The following YIF1B variants were observed in gnomAD, a reference collection of about 807,000 sequenced individuals.
The protein encoded by YIF1B is Yip1 interacting factor homolog B, membrane trafficking protein.
In YIF1B, 24 loss-of-function variants were observed where a neutral mutation model predicts 34.6. The observed-to-expected ratio is 0.69, with a 90% CI of 0.50 to 0.98. YIF1B has a LOEUF of 0.98. Among genes scored for constraint, YIF1B ranks in the 50% least tolerant of loss-of-function variants. YIF1B has a pLI of 0.00. For synonymous variants in YIF1B, 186 were observed against 184.8 expected (o/e 1.01, Z -0.05); for missense variants, 368 against 429.4 (o/e 0.86, Z 1.26).
intron 5 of YIF1B, 54 bp from the exon 6 acceptor site, chr19:38,307,806 A>C: frequency 6.3e-7 from 1 of 1,598,608 alleles, no homozygotes; most frequent in Non-Finnish European, 8.5e-7. Context: ...CCCCACCCCC[A>C]GCACCCATCT....
intron 7 of YIF1B, chr19:38,307,050 G>C (rs1204252412): frequency 2.0e-6 from 1 of 489,682 alleles, no homozygotes; most frequent in Non-Finnish European, 4.2e-6. Context: ...GGTCCACCCA[G>C]CCTGCAGACC....
upstream of YIF1B, among the ~76,000 whole-genome samples, chr19:38,321,618 G>C (rs1408489226): frequency 6.6e-6 from 1 of 152,230 alleles, no homozygotes. Context: ...TCTTTGTTGG[G>C]GATTTGTTGA....
chr19:38,309,334 G>A lies in YIF1B; in HGVS notation c.298-6C>T. The A allele has an allele frequency of 3.7e-6, 6 of 1,614,006 alleles. No homozygotes were observed. Among genetic ancestry groups the A allele is most frequent in the Non-Finnish European group, 5.1e-6 (6 of 1,179,930 alleles). Reference sequence around the variant, plus strand: ...ATGGGGATGAAGCGGTCGATCTGGGGAGGCAGAGCTCAAGTCTGAAGCCCT... The same window carrying A: ...ATGGGGATGAAGCGGTCGATCTGGGAAGGCAGAGCTCAAGTCTGAAGCCCT... On this transcript the variant is annotated splice_region_variant and splice_polypyrimidine_tract_variant and intron_variant, in intron 2 of 7. Transcript: ENST00000339413.
chr19:38,306,638 G>A (rs1023823421), intron 7 of YIF1B: 1 of 247,202 alleles, frequency 4.0e-6, no homozygotes, highest in African/African-American at 2.4e-5. Context: ...TGAGGTGCAA[G>A]TATCATCATC....
chr19:38,304,917 G>GAGAAGGGCAAGA lies in YIF1B; in HGVS notation c.*423_*434dup. On this transcript the variant is annotated 3_prime_UTR_variant, in exon 8 of 8. Transcript: ENST00000339413. ...CAAGAAGCCCAAAGTGAAGAAGAAG[G>GAGAAGGGCAAGA]AGAAGGGCAAGAAGGAGAAGGGCAA... 6.3e-7 allele frequency: 1 copy of GAGAAGGGCAAGA among 1,595,490 alleles called. No homozygotes were observed. The highest frequency in any genetic ancestry group is 1.4e-5 in the African/African-American group (1 of 70,660).
Position 38,304,166 on chromosome 19 carries a change from T to C in YIF1B, c.*1186A>G. On this transcript the variant is annotated 3_prime_UTR_variant, in exon 8 of 8. Transcript: ENST00000339413. ...GAGGTTGGGTGGGGCGTCTCAGCAT[T>C]CCTCCAACGGGCAGGTCTCAGCGCT... is the stretch of plus-strand genomic sequence containing the variant. 1 of 1,480,572 alleles carries C rather than the reference T, an allele frequency of 6.8e-7. No individual in the cohort carries two copies. The highest frequency in any genetic ancestry group is 9.3e-7 in the Non-Finnish European group (1 of 1,074,188). The allele number at this position is 1,480,572 out of a possible 1,614,324, so 91.7% of individuals were successfully genotyped here.
intron 7 of YIF1B, among the ~76,000 whole-genome samples, chr19:38,306,423 C>G (rs1969041401): frequency 1.3e-5 from 2 of 151,952 alleles, no homozygotes; most frequent in African/African-American, 4.8e-5. Context: ...GTTGTCCAGG[C>G]TGGTATCAAG....
upstream of YIF1B, chr19:38,319,955 G>C (rs1342488624): frequency 4.1e-6 from 6 of 1,448,730 alleles, no homozygotes; most frequent in Non-Finnish European, 5.4e-6. Flanking sequence ...GGTGCCATGC[G>C]GAGGGGCGCG....
At chr19:38,315,729 T>A (rs1969521418) in intron 1 of YIF1B, 131 bp downstream of exon 1, 2 of 1,610,004 alleles carry the variant, frequency 1.2e-6, no homozygotes, top group Non-Finnish European at 1.7e-6. Flanking sequence ...GAACCTGGCA[T>A]CCCAGCGCTG....
At chr19:38,320,300 CGAGGACCCGG>C (rs1969636235), upstream of YIF1B, 1 of 1,601,758 alleles carries the variant, frequency 6.2e-7, no homozygotes, top group Admixed American at 1.7e-5. Context: ...CGCAAGGCGG[CGAGGACCCGG>C]GATCCCCACT....
In YIF1B at chr19:38,309,319, A is replaced by G; in HGVS notation, c.307T>C (p.Phe103Leu). 1 of 1,614,072 alleles carries G rather than the reference A, an allele frequency of 6.2e-7. No homozygotes were observed. The highest frequency in any genetic ancestry group is 8.5e-7 in the Non-Finnish European group (1 of 1,179,976). Residue 103 changes from phenylalanine to leucine, a missense_variant, in exon 3 of 8, where the codon TTC becomes CTC. Physicochemically the swap from Phe to Leu is conservative, Grantham distance 22. Coordinates refer to ENST00000339413, the MANE Select transcript of YIF1B (RefSeq NM_001039672.3). ...TACTTGAGCTTGGTGATGGGGATGAAGCGGTCGATCTGGGGAGGCAGAGCT... is the reference window on the plus strand; with the variant it reads ...TACTTGAGCTTGGTGATGGGGATGAGGCGGTCGATCTGGGGAGGCAGAGCT... Reference protein sequence around the residue: ...KELVDKNIDRFIPITKLKYYF... With the variant: ...KELVDKNIDRLIPITKLKYYF...
intron 7 of YIF1B, 21 bp from the exon 8 acceptor site, chr19:38,305,528 G>A (rs1458137184): frequency 1.3e-6 from 2 of 1,588,116 alleles, no homozygotes; most frequent in Non-Finnish European, 1.7e-6. Flanking sequence ...AAGAGAGAGA[G>A]GAACCAAGGG....
rs149742684 is a variant in YIF1B at position 38,313,014 on chromosome 19, C to G, written c.58+2846G>C. Among the ~76,000 whole-genome samples the G allele has an allele frequency of 2.6e-3, 391 of 150,360 alleles. 2 individuals carry two copies. The highest frequency in any genetic ancestry group is 9.3e-3 in the African/African-American group (379 of 40,848). ...TCACCCAGGCTGGAGTGCAATGGTG[C>G]GATCTCGGCTCACCACAACCTCCAC... is the stretch of plus-strand genomic sequence containing the variant. On this transcript the variant is annotated intron_variant, in intron 1 of 7. Transcript: ENST00000339413.
intron 1 of YIF1B, among the ~76,000 whole-genome samples, chr19:38,311,489 G>A (rs1031266183): frequency 1.3e-5 from 2 of 152,098 alleles, no homozygotes; most frequent in Non-Finnish European, 2.9e-5. Context: ...CAACCACCCT[G>A]TTTCTGCCAG....
chr19:38,320,200 G>T, upstream of YIF1B: 1 of 1,602,094 alleles, frequency 6.2e-7, no homozygotes. Flanking sequence ...TTCGGGGTCC[G>T]CCAACGCCTC....
chr19:38,304,541 C>T lies in YIF1B; in HGVS notation c.*811G>A. ...GAGGGGCGGGAAGGCTGGGGTTGCC[C>T]CTGACCCCAGGGTCCTGCCTTAGGC... On this transcript the variant is annotated 3_prime_UTR_variant, in exon 8 of 8. Coordinates refer to ENST00000339413, the MANE Select transcript of YIF1B (RefSeq NM_001039672.3). 6.3e-7 allele frequency: 1 copy of T among 1,585,310 alleles called. No homozygotes were observed. The highest frequency in any genetic ancestry group is 8.6e-7 in the Non-Finnish European group (1 of 1,166,296).
At position 38,304,783 on chromosome 19, in the gene YIF1B, C is replaced by T; in HGVS notation, c.*569G>A. The T allele has an allele frequency of 6.2e-7, 1 of 1,612,684 alleles. No homozygotes were observed. Among genetic ancestry groups the T allele is most frequent in the South Asian group, 1.1e-5 (1 of 91,044 alleles). On this transcript the variant is annotated 3_prime_UTR_variant, in exon 8 of 8. Transcript: ENST00000339413. ...GCGGGGAGGGTGCGGGGAGTGGTCC[C>T]CCTGTCTCGCTTCCAGCCCAGAACC...
chr19:38,309,551 C>A lies in YIF1B; in HGVS notation c.151G>T (p.Gly51Trp). ...DTSSAQSRGY[G>W]AQRAPGGLSY... ...AGGCCACCAGGTGCCCGCTGGGCCC[C>A]ATAGCCCCGGCTCTGGGCTGAACTT... The change falls in exon 2 of 8, where the codon GGG becomes TGG. Residue 51 changes from glycine to tryptophan, a missense_variant. Gly to Trp is a radical substitution (Grantham distance 184, BLOSUM62 -2). Transcript: ENST00000339413. 6.2e-7 allele frequency: 1 copy of A among 1,602,272 alleles called. No individual in the cohort carries two copies. Among genetic ancestry groups the A allele is most frequent in the Non-Finnish European group, 8.5e-7 (1 of 1,174,886 alleles).
intron 7 of YIF1B, chr19:38,306,838 C>T: frequency 2.6e-6 from 1 of 390,348 alleles, no homozygotes; most frequent in Non-Finnish European, 5.2e-6. Context: ...CACACCACCA[C>T]ACCCAGCTAA....
Sources: gnomAD v4.1 joint callset for allele counts (sites outside exome capture counted in the v4.1 genomes callset) on GRCh38, gnomAD v4.1.1 for gene constraint, MANE v1.5 for transcripts, NCBI Gene and HGNC (gene_info 2026-07-23, HGNC 2026-07-21) for gene names.